The following SPMAP2 variants were observed in gnomAD, a reference collection of about 807,000 sequenced individuals.
The protein encoded by SPMAP2 is Theg homolog.
the SPMAP2 span, chr19:372,608 C>T: frequency 6.2e-7 from 1 of 1,612,426 alleles, no homozygotes; most frequent in Non-Finnish European, 8.5e-7. Flanking sequence ...TTCTGAGTAG[C>T]CACCCAGCCC....
chr19:366,998 G>C, the SPMAP2 span: 10 of 1,553,244 alleles, frequency 6.4e-6, no homozygotes, highest in Non-Finnish European at 8.8e-6. Context: ...TCTAGGCAGA[G>C]GTATAAGGTG....
chr19:370,442 A>C, the SPMAP2 span, among the ~76,000 whole-genome samples: 1 of 151,826 alleles, frequency 6.6e-6, no homozygotes, highest in African/African-American at 2.4e-5. Context: ...CCCGGGTTCA[A>C]GCGATTCTCC....
At chr19:368,479 G>A in the SPMAP2 span, among the ~76,000 whole-genome samples, 1 of 147,528 alleles carries the variant, frequency 6.8e-6, no homozygotes, top group Admixed American at 6.7e-5. This position sits in a 1 kb window ranked among gnomAD's most constrained non-coding sequence, Gnocchi z 4.1. Flanking sequence ...TCTGGGGAGG[G>A]AGGGAGGGAG....
chr19:363,244 G>A, the SPMAP2 span, among the ~76,000 whole-genome samples: 1 of 152,334 alleles, frequency 6.6e-6, no homozygotes, highest in Non-Finnish European at 1.5e-5. Context: ...CCAGGCTGGA[G>A]TGCAGTGGCG....
At chr19:364,208 C>G in the SPMAP2 span, among the ~76,000 whole-genome samples, 48,976 of 146,936 alleles carry the variant, frequency 0.33, 8,930 homozygotes, top group Middle Eastern at 0.45. Context: ...GTGGTGGCGG[C>G]TGCCTGTAGT....
At chr19:374,665 G>A in the SPMAP2 span, 2 of 547,618 alleles carry the variant, frequency 3.7e-6, no homozygotes, top group South Asian at 2.3e-5. Flanking sequence ...CTGGTCCTCA[G>A]CTTCCTCCTC....
chr19:372,827 G>T, the SPMAP2 span: 1 of 871,880 alleles, frequency 1.1e-6, no homozygotes, highest in South Asian at 1.5e-5. Context: ...AGAACTGTGG[G>T]CAGAGACAAC....
At chr19:373,497 C>T in the SPMAP2 span, 1 of 1,613,430 alleles carries the variant, frequency 6.2e-7, no homozygotes, top group Non-Finnish European at 8.5e-7. Context: ...AGGGTGGTGT[C>T]CTCAAGGAAC....
At chr19:367,948 G>A in the SPMAP2 span, among the ~76,000 whole-genome samples, 3 of 152,146 alleles carry the variant, frequency 2.0e-5, no homozygotes, top group Non-Finnish European at 4.4e-5. Flanking sequence ...TTATGGTCAC[G>A]AACACCACGA....
At chr19:375,036 G>T in the SPMAP2 span, among the ~76,000 whole-genome samples, 1 of 152,192 alleles carries the variant, frequency 6.6e-6, no homozygotes, top group African/African-American at 2.4e-5. Context: ...AAACCTCCCT[G>T]GGCGGCACGG....
the SPMAP2 span, among the ~76,000 whole-genome samples, chr19:370,803 C>T: frequency 0.28 from 43,058 of 152,050 alleles, 7,773 homozygotes; most frequent in South Asian, 0.47. Context: ...GGGCGGGGGG[C>T]GGCAGAAGCC....
the SPMAP2 span, chr19:362,508 C>G: frequency 8.5e-7 from 1 of 1,178,594 alleles, no homozygotes; most frequent in South Asian, 1.6e-5. Flanking sequence ...GAGCTCACAC[C>G]TGGAATCCCA....
chr19:367,736 G>T, the SPMAP2 span, among the ~76,000 whole-genome samples: 2 of 152,114 alleles, frequency 1.3e-5, no homozygotes, highest in African/African-American at 2.4e-5. Context: ...CGAGGAAGTG[G>T]GTGCAGGGAT....
At chr19:375,932 G>A in the SPMAP2 span, 1 of 1,461,412 alleles carries the variant, frequency 6.8e-7, no homozygotes, top group Non-Finnish European at 9.0e-7. Flanking sequence ...CCTCAGAGCT[G>A]GGCTGGTTCC....
chr19:369,776 CA>C, the SPMAP2 span, among the ~76,000 whole-genome samples: 1 of 152,170 alleles, frequency 6.6e-6, no homozygotes, highest in Non-Finnish European at 1.5e-5. Context: ...GTTTTGCGGG[CA>C]GGGGTGGATC....
the SPMAP2 span, chr19:362,248 GGGT>G: frequency 1.3e-6 from 2 of 1,576,920 alleles, no homozygotes; most frequent in Non-Finnish European, 1.7e-6. Context: ...ATGCTTTTGG[GGGT>G]GGCAAGCTCA....
At chr19:375,954 C>T in the SPMAP2 span, 48 of 1,440,552 alleles carry the variant, frequency 3.3e-5, no homozygotes, top group East Asian at 5.1e-5. Flanking sequence ...GAGTGACCTT[C>T]GCCTGCTGTC....
chr19:375,778 G>C, the SPMAP2 span: 1 of 1,610,032 alleles, frequency 6.2e-7, no homozygotes, highest in Non-Finnish European at 8.5e-7. Context: ...TCCTCGGGGG[G>C]AAGCTCCTCT....
At chr19:370,120 C>T in the SPMAP2 span, among the ~76,000 whole-genome samples, 1 of 152,150 alleles carries the variant, frequency 6.6e-6, no homozygotes, top group East Asian at 1.9e-4. Flanking sequence ...AGCGCCTGAG[C>T]GCAATCCCCA....
Sources: allele counts gnomAD v4.1 joint callset (sites outside exome capture counted in the v4.1 genomes callset), GRCh38; gene constraint gnomAD v4.1.1; non-coding constraint Gnocchi (gnomAD v3.1); transcripts MANE v1.5; gene names NCBI Gene and HGNC (gene_info 2026-07-23, HGNC 2026-07-21).